The following TBCK variants were observed in gnomAD, a reference collection of about 807,000 sequenced individuals.
TBCK encodes the protein TBC1 domain containing kinase.
In TBCK, 99 loss-of-function variants were observed where a neutral mutation model predicts 113.4. The observed-to-expected ratio is 0.87, with a 90% CI of 0.74 to 1.03. The LOEUF is 1.03. Ranked by LOEUF, TBCK falls within the 50% of genes least tolerant of loss-of-function variation. TBCK has a pLI of 0.00. For synonymous variants in TBCK, 369 were observed against 370.8 expected (o/e 1.00, Z 0.05); for missense variants, 1,045 against 1,061.3 (o/e 0.98, Z 0.21).
At chr4:106,183,417 A>G (rs973530746) in intron 22 of TBCK, among the ~76,000 whole-genome samples, 14 of 151,968 alleles carry the variant, frequency 9.2e-5, no homozygotes, top group African/African-American at 2.9e-4. Flanking sequence ...CTCTCAACCT[A>G]TCCTCTACTA....
intron 24 of TBCK, among the ~76,000 whole-genome samples, chr4:106,101,060 A>T (rs1364885370): frequency 6.6e-6 from 1 of 152,294 alleles, no homozygotes; most frequent in African/African-American, 2.4e-5. Flanking sequence ...TACTGCAATT[A>T]TCTATTTCAT....
intron 3 of TBCK, among the ~76,000 whole-genome samples, chr4:106,294,639 G>A (rs1006647066): frequency 6.6e-6 from 1 of 151,800 alleles, no homozygotes; most frequent in African/African-American, 2.4e-5. Flanking sequence ...CCACCACCAC[G>A]TCCAGCTAAT....
chr4:106,102,041 T>C (rs926056230), intron 24 of TBCK, among the ~76,000 whole-genome samples: 11 of 152,218 alleles, frequency 7.2e-5, no homozygotes, highest in African/African-American at 2.7e-4. Flanking sequence ...TTACCTAGAT[T>C]AACATTTCAT....
At chr4:106,169,600 G>C (rs535229686) in intron 23 of TBCK, among the ~76,000 whole-genome samples, 1 of 151,986 alleles carries the variant, frequency 6.6e-6, no homozygotes, top group South Asian at 2.1e-4. Context: ...AACTTTTTTG[G>C]CACCAAGGAC....
chr4:106,170,138 C>A (rs1353326452), intron 23 of TBCK, among the ~76,000 whole-genome samples: 1 of 152,028 alleles, frequency 6.6e-6, no homozygotes, highest in Non-Finnish European at 1.5e-5. Context: ...CAAATTAGTT[C>A]TCTCACCAAA....
At chr4:106,192,007 C>T (rs924819526) in intron 22 of TBCK, among the ~76,000 whole-genome samples, 1 of 152,030 alleles carries the variant, frequency 6.6e-6, no homozygotes, top group African/African-American at 2.4e-5. Flanking sequence ...TTGAATTAAT[C>T]GAGAAACTTT....
chr4:106,193,604 T>C lies in TBCK; in HGVS notation c.2059+5A>G. The stretch of plus-strand genomic sequence containing the variant: ...TTTAATGGCTCCATTTATTTAGATC[T>C]ATACCTGGTAAATCGGAGAAGAGAA... On this transcript the variant is annotated splice_donor_5th_base_variant and intron_variant, in intron 22 of 25. Transcript: ENST00000394708. The C allele has an allele frequency of 6.2e-7, 1 of 1,612,962 alleles. No homozygotes were observed. The highest frequency in any genetic ancestry group is 8.5e-7 in the Non-Finnish European group (1 of 1,179,302).
At chr4:106,089,718 C>T in intron 25 of TBCK, among the ~76,000 whole-genome samples, 1 of 152,292 alleles carries the variant, frequency 6.6e-6, no homozygotes, top group Admixed American at 6.5e-5. Context: ...GCAATACGCC[C>T]ACACAAGTCT....
intron 25 of TBCK, among the ~76,000 whole-genome samples, chr4:106,070,201 G>T (rs1398862541): frequency 6.6e-6 from 1 of 152,134 alleles, no homozygotes. Context: ...GTGAGAGAGG[G>T]CATCCCTGTC....
chr4:106,178,638 T>C (rs1008539225), intron 22 of TBCK, among the ~76,000 whole-genome samples: 37 of 151,960 alleles, frequency 2.4e-4, no homozygotes, highest in African/African-American at 8.9e-4. Context: ...ATATGTTGAA[T>C]CATCACTGAA....
At chr4:106,234,970 A>C (rs1305246625) in intron 15 of TBCK, among the ~76,000 whole-genome samples, 2 of 152,136 alleles carry the variant, frequency 1.3e-5, no homozygotes, top group Non-Finnish European at 2.9e-5. Context: ...TATAAGCAGG[A>C]CTACCCATTT....
chr4:106,062,801 T>G (rs1189843189), intron 25 of TBCK, among the ~76,000 whole-genome samples: 6 of 151,888 alleles, frequency 4.0e-5, no homozygotes, highest in African/African-American at 1.4e-4. Flanking sequence ...AGATGATGAC[T>G]TTGCAGTTTT....
At chr4:106,271,447 T>C (rs771094163) in intron 3 of TBCK, among the ~76,000 whole-genome samples, 1 of 152,102 alleles carries the variant, frequency 6.6e-6, no homozygotes, top group Non-Finnish European at 1.5e-5. Context: ...GTAGCTAATT[T>C]AGCTCAAATA....
intron 3 of TBCK, among the ~76,000 whole-genome samples, chr4:106,274,578 A>C (rs1158893171): frequency 6.6e-6 from 1 of 152,232 alleles, no homozygotes; most frequent in Admixed American, 6.5e-5. Flanking sequence ...AAGCACAAAA[A>C]GTCATATACT....
intron 22 of TBCK, among the ~76,000 whole-genome samples, chr4:106,173,870 CATTAT>C (rs1751316800): frequency 6.7e-6 from 1 of 149,036 alleles, no homozygotes; most frequent in South Asian, 2.1e-4. Context: ...TTTAACCTTG[CATTAT>C]AATTATTGAG....
At chr4:106,180,164 T>C (rs1360232190) in intron 22 of TBCK, among the ~76,000 whole-genome samples, 1 of 151,976 alleles carries the variant, frequency 6.6e-6, no homozygotes, top group Non-Finnish European at 1.5e-5. Context: ...GTGTCTTTTT[T>C]TTTAAATCAA....
chr4:106,211,276 T>C (rs1041645242), intron 20 of TBCK, among the ~76,000 whole-genome samples: 21 of 152,180 alleles, frequency 1.4e-4, no homozygotes, highest in African/African-American at 5.1e-4. Flanking sequence ...TCTTCAACTC[T>C]AGCCATAAGA....
intron 3 of TBCK, among the ~76,000 whole-genome samples, chr4:106,265,355 G>A (rs538880954): frequency 3.9e-5 from 6 of 151,964 alleles, no homozygotes; most frequent in South Asian, 2.1e-4. Flanking sequence ...GTGTCCCCCC[G>A]AAGTATTTAT....
At chr4:106,225,240 A>G (rs372121383) in intron 19 of TBCK, among the ~76,000 whole-genome samples, 1 of 152,176 alleles carries the variant, frequency 6.6e-6, no homozygotes, top group East Asian at 1.9e-4. Context: ...TTTTTTTAGC[A>G]TAATATTAAA....
Sources: allele counts gnomAD v4.1 joint callset (sites outside exome capture counted in the v4.1 genomes callset), GRCh38; gene constraint gnomAD v4.1.1; transcripts MANE v1.5; gene names NCBI Gene and HGNC (gene_info 2026-07-23, HGNC 2026-07-21).